LRMDA: variants seen among roughly 807,000 people sequenced by gnomAD.
The protein encoded by LRMDA is leucine rich melanocyte differentiation associated, also known as leucine-rich melanocyte differentiation-associated protein.
Under a neutral mutation model 29.8 loss-of-function variants are expected in LRMDA, and 18 were observed. That is an observed-to-expected ratio of 0.60 (90% confidence interval 0.42 to 0.90). The LOEUF is 0.90. Ranked by LOEUF, LRMDA falls within the 40% of genes least tolerant of loss-of-function variation. LRMDA has a pLI of 0.00. For missense variants in LRMDA, 273 were observed against 273.9 expected (o/e 1.00, Z 0.02); for synonymous variants, 125 against 109.4 (o/e 1.14, Z -0.89).
intron 2 of LRMDA, among the ~76,000 whole-genome samples, chr10:76,009,031 G>C (rs1485679144): frequency 6.6e-6 from 1 of 152,192 alleles, no homozygotes; most frequent in African/African-American, 2.4e-5. Flanking sequence ...CAGGTCTCCT[G>C]AGCAGTGGAG....
intron 2 of LRMDA, among the ~76,000 whole-genome samples, chr10:76,019,525 A>C (rs1314861805): frequency 6.6e-6 from 1 of 152,186 alleles, no homozygotes; most frequent in Non-Finnish European, 1.5e-5. Flanking sequence ...TGTTAACAAA[A>C]AGAACATAAA....
At position 75,619,702 on chromosome 10, in the gene LRMDA, C is replaced by G. The variant is rs564300642; in HGVS notation, c.131+181208C>G. Among the ~76,000 whole-genome samples the G allele has an allele frequency of 1.7e-3, 261 of 152,272 alleles. 8 individuals carry two copies. Among genetic ancestry groups the G allele is most frequent in the Admixed American group, 0.017 (260 of 15,292 alleles). ...TACACACTGGCTCACTGTGAGACAG[C>G]AACTCTCCTTGAAGTACAAGCTGTG... On this transcript the variant is annotated intron_variant, in intron 2 of 6. Coordinates refer to ENST00000611255, the MANE Select transcript of LRMDA (RefSeq NM_001305581.2).
At chr10:75,957,986 G>T (rs2132426048) in intron 2 of LRMDA, among the ~76,000 whole-genome samples, 1 of 152,304 alleles carries the variant, frequency 6.6e-6, no homozygotes, top group South Asian at 2.1e-4. Flanking sequence ...TCATGAGCCA[G>T]AGCTGAGGAT....
At chr10:76,302,248 A>G (rs758410382) in intron 5 of LRMDA, among the ~76,000 whole-genome samples, 8 of 152,178 alleles carry the variant, frequency 5.3e-5, no homozygotes, top group Non-Finnish European at 1.0e-4. Flanking sequence ...AGAGCTACCT[A>G]CCTGAGGATG....
At chr10:76,363,836 T>C (rs1841359023) in intron 6 of LRMDA, among the ~76,000 whole-genome samples, 1 of 152,184 alleles carries the variant, frequency 6.6e-6, no homozygotes, top group Admixed American at 6.6e-5. Context: ...TTCTGTTATA[T>C]ATAAAATGTT....
chr10:76,531,357 C>T (rs908459347), intron 6 of LRMDA, among the ~76,000 whole-genome samples: 4 of 152,200 alleles, frequency 2.6e-5, no homozygotes, highest in Admixed American at 2.0e-4. Flanking sequence ...GAGTAAATTT[C>T]CCATCTTTTT....
chr10:76,414,622 A>G (rs563831887), intron 6 of LRMDA, among the ~76,000 whole-genome samples: 1 of 152,334 alleles, frequency 6.6e-6, no homozygotes, highest in East Asian at 1.9e-4. Context: ...GGGCCTGGAA[A>G]AGGAGTTTAG....
intron 2 of LRMDA, among the ~76,000 whole-genome samples, chr10:75,598,183 A>G (rs548198841): frequency 2.6e-5 from 4 of 152,318 alleles, no homozygotes; most frequent in African/African-American, 7.2e-5. Context: ...CGAATTGTGC[A>G]TGTTTAGCAG....
At chr10:75,608,404 A>G (rs988792501) in intron 2 of LRMDA, among the ~76,000 whole-genome samples, 1 of 151,948 alleles carries the variant, frequency 6.6e-6, no homozygotes, top group African/African-American at 2.4e-5. Context: ...AGTTCTGGAG[A>G]CCTAAATGTA....
At chr10:76,389,942 T>C (rs1841703279) in intron 6 of LRMDA, among the ~76,000 whole-genome samples, 1 of 152,186 alleles carries the variant, frequency 6.6e-6, no homozygotes, top group East Asian at 1.9e-4. Context: ...GATGTACAAA[T>C]GCTTCTTAAG....
chr10:76,217,031 T>TTTAAAC (rs1851741058), intron 5 of LRMDA, among the ~76,000 whole-genome samples: 1 of 152,106 alleles, frequency 6.6e-6, no homozygotes, highest in Non-Finnish European at 1.5e-5. Flanking sequence ...ATAATAGACA[T>TTTAAAC]ATCCATACCA....
At chr10:75,794,570 G>A (rs1181917612) in intron 2 of LRMDA, among the ~76,000 whole-genome samples, 1 of 152,144 alleles carries the variant, frequency 6.6e-6, no homozygotes, top group East Asian at 1.9e-4. Context: ...ATGTTTGAGA[G>A]TTCTACCTAC....
intron 6 of LRMDA, among the ~76,000 whole-genome samples, chr10:76,461,100 A>G (rs1842507623): frequency 6.6e-6 from 1 of 152,162 alleles, no homozygotes; most frequent in South Asian, 2.1e-4. Context: ...CACAAAAGGC[A>G]CAGTAGGCCT....
At chr10:75,955,551 G>A (rs890153962) in intron 2 of LRMDA, among the ~76,000 whole-genome samples, 1 of 152,162 alleles carries the variant, frequency 6.6e-6, no homozygotes, top group Non-Finnish European at 1.5e-5. Flanking sequence ...CATTTTCATG[G>A]CATCTTTACC....
chr10:76,244,196 A>G (rs917228736), intron 5 of LRMDA, among the ~76,000 whole-genome samples: 21 of 152,190 alleles, frequency 1.4e-4, no homozygotes, highest in African/African-American at 5.1e-4. Flanking sequence ...CATCTGTAAA[A>G]GTTGGGTTAT....
At chr10:75,648,580 C>T (rs186461565) in intron 2 of LRMDA, among the ~76,000 whole-genome samples, 2 of 152,204 alleles carry the variant, frequency 1.3e-5, no homozygotes, top group Admixed American at 1.3e-4. Flanking sequence ...GAAATACAGT[C>T]TCATTATCTG....
rs1842902254 is a variant in LRMDA at position 76,500,479 on chromosome 10, G to A, written c.602-56730G>A. On this transcript the variant is annotated intron_variant, in intron 6 of 6. Transcript: ENST00000611255. ...GCATATCTGTGATATTAAACATTTA[G>A]GTTTTCTCTGGTGAAACAAAATGAA... is the stretch of plus-strand genomic sequence containing the variant. Among the ~76,000 whole-genome samples the A allele has an allele frequency of 8.0e-5, 6 of 75,262 alleles. 2 individuals carry two copies. In the South Asian group the frequency reaches 1.4e-3, roughly 18 times the overall value. 49.4% of individuals were successfully genotyped at this position (75,262 alleles called of 152,430 possible).
At chr10:76,270,896 A>C (rs1840060581) in intron 5 of LRMDA, 1 of 152,208 alleles carries the variant, frequency 6.6e-6, no homozygotes, top group African/African-American at 2.4e-5. Flanking sequence ...GAGCTGTGTG[A>C]CTTCACAGAA....
chr10:76,336,956 T>A (rs1031309241), intron 6 of LRMDA, among the ~76,000 whole-genome samples: 6 of 152,178 alleles, frequency 3.9e-5, no homozygotes, highest in African/African-American at 1.4e-4. Flanking sequence ...CCCCTTTTTT[T>A]AATCTGCCTC....
Sources: allele counts gnomAD v4.1 joint callset (sites outside exome capture counted in the v4.1 genomes callset), GRCh38; gene constraint gnomAD v4.1.1; transcripts MANE v1.5; gene names NCBI Gene and HGNC (gene_info 2026-07-23, HGNC 2026-07-21).